Variants in COL26A1 observed in about 807,000 individuals in gnomAD.
COL26A1 encodes collagen type XXVI alpha 1 chain, also known as collagen alpha-1(XXVI) chain.
COL26A1 carries 41 observed loss-of-function variants against 59.3 expected under a neutral mutation model. The observed-to-expected ratio is 0.69, with a 90% CI of 0.54 to 0.90. COL26A1 has a LOEUF of 0.90. COL26A1 is among the 40% of genes least tolerant of loss of function. The pLI, the probability that COL26A1 is intolerant of heterozygous loss-of-function variation, is 0.00. For missense variants in COL26A1, 612 were observed against 602.3 expected, an observed-to-expected ratio of 1.02 and a Z score of -0.17; for synonymous variants, 266 against 256.0, an observed-to-expected ratio of 1.04 and a Z score of -0.37.
chr7:101,503,556 T>C (rs1000671460), intron 3 of COL26A1, among the ~76,000 whole-genome samples: 3 of 152,172 alleles, frequency 2.0e-5, no homozygotes, highest in Admixed American at 2.0e-4. Flanking sequence ...CTAATGTTCG[T>C]ATTTTTTTAG....
chr7:101,446,395 C>A (rs141255726), intron 2 of COL26A1, among the ~76,000 whole-genome samples: 28 of 152,298 alleles, frequency 1.8e-4, no homozygotes, highest in Admixed American at 5.9e-4. Flanking sequence ...CTGGGTGGTT[C>A]ATGTAAGATA....
At chr7:101,462,929 C>G (rs919033727) in intron 3 of COL26A1, among the ~76,000 whole-genome samples, 1 of 152,140 alleles carries the variant, frequency 6.6e-6, no homozygotes, top group African/African-American at 2.4e-5. Context: ...CGGGACACTT[C>G]GTGCATCAAA....
intron 1 of COL26A1, among the ~76,000 whole-genome samples, chr7:101,365,866 C>T (rs1051708622): frequency 6.6e-6 from 1 of 151,842 alleles, no homozygotes; most frequent in Non-Finnish European, 1.5e-5. Flanking sequence ...TGCAAAAAAG[C>T]AAGAGGTGAG....
intron 1 of COL26A1, among the ~76,000 whole-genome samples, chr7:101,419,334 ACTC>A (rs753500380): frequency 2.0e-5 from 3 of 149,976 alleles, no homozygotes; most frequent in Non-Finnish European, 4.4e-5. Flanking sequence ...CTGATCTTGA[ACTC>A]CTGGGCTCAA....
At chr7:101,396,091 C>G (rs10257441) in intron 1 of COL26A1, among the ~76,000 whole-genome samples, 1 of 151,998 alleles carries the variant, frequency 6.6e-6, no homozygotes, top group South Asian at 2.1e-4. Context: ...GATCCTGTTT[C>G]TACCAAAAAA....
intron 3 of COL26A1, among the ~76,000 whole-genome samples, chr7:101,505,953 T>C (rs1159100006): frequency 6.6e-6 from 1 of 152,208 alleles, no homozygotes; most frequent in Non-Finnish European, 1.5e-5. Flanking sequence ...TATTACAGAC[T>C]AGACCCTGAG....
intron 4 of COL26A1, among the ~76,000 whole-genome samples, chr7:101,539,149 G>C (rs916459101): frequency 2.6e-5 from 4 of 152,208 alleles, no homozygotes; most frequent in Admixed American, 6.5e-5. Flanking sequence ...CCGCATTGCA[G>C]GCTGGTCCCA....
chr7:101,525,397 G>C (rs1434238623), intron 3 of COL26A1, among the ~76,000 whole-genome samples: 2 of 151,538 alleles, frequency 1.3e-5, no homozygotes, highest in Non-Finnish European at 2.9e-5. Context: ...TAGCCAGGAT[G>C]GTCTTGATCT....
At chr7:101,368,994 GTA>G (rs1791118475) in intron 1 of COL26A1, among the ~76,000 whole-genome samples, 1 of 139,174 alleles carries the variant, frequency 7.2e-6, no homozygotes, top group African/African-American at 2.8e-5. Context: ...GTGTGTATGA[GTA>G]TGTGTGTGTT....
intron 3 of COL26A1, among the ~76,000 whole-genome samples, chr7:101,520,662 A>ACACACACACACACACACCC (rs915256077): frequency 3.5e-5 from 5 of 143,240 alleles, no homozygotes; most frequent in African/African-American, 1.3e-4. Flanking sequence ...ACACACACAC[A>ACACACACACACACACACCC]CCCCCGTGTT....
intron 1 of COL26A1, among the ~76,000 whole-genome samples, chr7:101,381,546 G>GGGCTGGTATCTGGCAAA (rs1272274870): frequency 6.6e-6 from 1 of 152,154 alleles, no homozygotes; most frequent in Admixed American, 6.6e-5. Context: ...CAAAAGCCAG[G>GGGCTGGTATCTGGCAAA]GGCTGGTATC....
intron 3 of COL26A1, among the ~76,000 whole-genome samples, chr7:101,463,771 T>TC (rs1793678581): frequency 1.2e-5 from 1 of 81,700 alleles, no homozygotes; most frequent in Non-Finnish European, 2.2e-5. Context: ...TTTTCCTTCC[T>TC]TCTTTCTTTC....
intron 3 of COL26A1, among the ~76,000 whole-genome samples, chr7:101,489,055 A>G (rs1794329634): frequency 6.6e-6 from 1 of 152,220 alleles, no homozygotes; most frequent in Admixed American, 6.5e-5. Context: ...CCGTGCTTCT[A>G]CGAATTTGCC....
At chr7:101,498,234 C>G (rs1446427000) in intron 3 of COL26A1, among the ~76,000 whole-genome samples, 2 of 152,208 alleles carry the variant, frequency 1.3e-5, no homozygotes, top group African/African-American at 4.8e-5. Flanking sequence ...TGAATCTTAG[C>G]ATGAGTGACT....
At chr7:101,471,840 A>G (rs1296353370) in intron 3 of COL26A1, among the ~76,000 whole-genome samples, 2 of 152,060 alleles carry the variant, frequency 1.3e-5, no homozygotes, top group Non-Finnish European at 2.9e-5. Flanking sequence ...TTGGCCTCCC[A>G]AAGTGCTGAG....
At chr7:101,429,555 T>C (rs574498147) in intron 2 of COL26A1, among the ~76,000 whole-genome samples, 28 of 151,534 alleles carry the variant, frequency 1.8e-4, no homozygotes, top group African/African-American at 6.5e-4. Flanking sequence ...GATTGATTCT[T>C]CTCACTTTAT....
chr7:101,442,670 A>AACGG (rs1457351956), intron 2 of COL26A1, among the ~76,000 whole-genome samples: 1 of 152,112 alleles, frequency 6.6e-6, no homozygotes, highest in Non-Finnish European at 1.5e-5. Flanking sequence ...AAGAGAAGAA[A>AACGG]ACGGTCAGAG....
At chr7:101,491,998 A>G (rs916550493) in intron 3 of COL26A1, among the ~76,000 whole-genome samples, 20 of 152,200 alleles carry the variant, frequency 1.3e-4, no homozygotes, top group African/African-American at 4.6e-4. Flanking sequence ...ACTTTGGTAC[A>G]ACAGGATGGG....
intron 1 of COL26A1, among the ~76,000 whole-genome samples, chr7:101,397,126 G>T (rs143793801): frequency 1.3e-5 from 2 of 152,252 alleles, no homozygotes; most frequent in African/African-American, 4.8e-5. Flanking sequence ...GTCCCTCCCC[G>T]GCAGAACCAG....
Sources: allele counts gnomAD v4.1 joint callset (sites outside exome capture counted in the v4.1 genomes callset), GRCh38; gene constraint gnomAD v4.1.1; transcripts MANE v1.5; gene names NCBI Gene and HGNC (gene_info 2026-07-23, HGNC 2026-07-21).